CYP2C18: variants seen among roughly 807,000 people sequenced by gnomAD.
The protein encoded by CYP2C18 is cytochrome P450 2C18.
A neutral mutation model predicts 41.3 loss-of-function variants in CYP2C18; 38 were observed. The ratio of observed to expected loss-of-function variants is 0.92; its 90% confidence interval spans 0.71 to 1.21. The LOEUF is 1.21. Ranked by LOEUF, CYP2C18 falls within the 50% of genes most tolerant of loss-of-function variation. The probability of loss-of-function intolerance (pLI) is 0.00; values close to 1 mark genes in which losing one functional copy is unlikely to be tolerated. For missense variants in CYP2C18, 635 were observed against 591.4 expected, an observed-to-expected ratio of 1.07 and a Z score of -0.77; for synonymous variants, 236 against 210.0, an observed-to-expected ratio of 1.12 and a Z score of -1.07.
chr10:94,688,252 G>A lies in CYP2C18; in HGVS notation c.459G>A (p.Val153=). ...TTCAAGAGGAAGCCCGCTGCCTTGT[G>A]GAGGAGTTGAGAAAAACCAATGGTG... ...DRVQEEARCL[V]EELRKTNASP... is the part of the protein sequence containing the mutation. Residue 153 remains valine (V), a synonymous_variant, in exon 3 of 9, where the codon GTG becomes GTA. Transcript: ENST00000285979. 1 of 1,611,312 alleles carries A rather than the reference G, an allele frequency of 6.2e-7. No homozygotes were observed. The highest frequency in any genetic ancestry group is 8.5e-7 in the Non-Finnish European group (1 of 1,178,712).
chr10:94,714,855 GAGC>G (rs1364166506), intron 5 of CYP2C18, among the ~76,000 whole-genome samples: 1 of 152,078 alleles, frequency 6.6e-6, no homozygotes, highest in Non-Finnish European at 1.5e-5. Context: ...TTATTTCATT[GAGC>G]AGTGGTTTGT....
At chr10:94,697,274 C>G (rs148418478) in intron 4 of CYP2C18, among the ~76,000 whole-genome samples, 3,308 of 152,292 alleles carry the variant, frequency 0.022, 116 homozygotes, top group African/African-American at 0.074. Flanking sequence ...AGACTAACAG[C>G]TGATCTCTCA....
chr10:94,685,355 A>G (rs1846867862), intron 1 of CYP2C18, among the ~76,000 whole-genome samples: 2 of 152,036 alleles, frequency 1.3e-5, no homozygotes, highest in African/African-American at 4.8e-5. Context: ...TTTAAATAGA[A>G]TTATTTATTT....
intron 5 of CYP2C18, among the ~76,000 whole-genome samples, chr10:94,708,186 CAGGA>C (rs1274388145): frequency 7.9e-5 from 12 of 152,102 alleles, no homozygotes; most frequent in Non-Finnish European, 1.5e-4. Context: ...GGAATGTTAG[CAGGA>C]CTGCTCGAAT....
chr10:94,707,181 G>A (rs2296680), intron 5 of CYP2C18, among the ~76,000 whole-genome samples: 26,093 of 152,014 alleles, frequency 0.17, 2,475 homozygotes, highest in South Asian at 0.33. Context: ...AAGACAGAAT[G>A]CATGCCTTAG....
intron 6 of CYP2C18, 116 bp from the exon 7 acceptor site, chr10:94,724,230 C>T: frequency 9.9e-7 from 1 of 1,006,696 alleles, no homozygotes; most frequent in Non-Finnish European, 1.6e-6. Context: ...TACTTTCAGT[C>T]CTATAAGTTT....
chr10:94,728,540 CT>C, intron 7 of CYP2C18: 1 of 500,448 alleles, frequency 2.0e-6, no homozygotes, highest in Non-Finnish European at 2.6e-6. Flanking sequence ...TTTATCCTTC[CT>C]TCTGTGTTTT....
At chr10:94,721,704 A>G (rs998351922) in intron 6 of CYP2C18, among the ~76,000 whole-genome samples, 7 of 152,032 alleles carry the variant, frequency 4.6e-5, no homozygotes, top group Non-Finnish European at 8.8e-5. Flanking sequence ...AAGTGAGAAC[A>G]TGTGGTTTTT....
Position 94,735,306 on chromosome 10 carries a change from G to A in CYP2C18, c.1335G>A (p.Leu445=), listed in dbSNP as rs770181532. The change falls in exon 9 of 9, where the codon CTG becomes CTA. Residue 445 remains leucine (L), a synonymous_variant. Coordinates refer to ENST00000285979, the MANE Select transcript of CYP2C18 (RefSeq NM_000772.3). ...GAGAGGGCCTGGCCCGCATGGAGCT[G>A]TTTTTATTCCTGACCACCATTTTGC... The part of the protein sequence containing the change: ...CMGEGLARME[L]FLFLTTILQN... 1 of 1,613,662 alleles carries A rather than the reference G, an allele frequency of 6.2e-7. No individual in the cohort carries two copies. The highest frequency in any genetic ancestry group is 1.7e-5 in the Admixed American group (1 of 59,940).
chr10:94,705,910 C>T (rs951050915), intron 4 of CYP2C18, among the ~76,000 whole-genome samples: 2 of 152,138 alleles, frequency 1.3e-5, no homozygotes, highest in African/African-American at 4.8e-5. Context: ...TCTGGCAGTA[C>T]TTTGGTGACT....
chr10:94,693,005 G>A (rs1847037598), intron 3 of CYP2C18, among the ~76,000 whole-genome samples: 1 of 151,886 alleles, frequency 6.6e-6, no homozygotes, highest in Non-Finnish European at 1.5e-5. Flanking sequence ...ACACACCAGG[G>A]CCTGTTGTGG....
At chr10:94,695,768 C>T (rs111293871) in intron 4 of CYP2C18, among the ~76,000 whole-genome samples, 3,845 of 152,122 alleles carry the variant, frequency 0.025, 148 homozygotes, top group African/African-American at 0.075. Flanking sequence ...CCTGGAAAAT[C>T]GGGTCACTCC....
At chr10:94,725,708 A>G (rs1847728329) in intron 7 of CYP2C18, among the ~76,000 whole-genome samples, 1 of 152,084 alleles carries the variant, frequency 6.6e-6, no homozygotes, top group Non-Finnish European at 1.5e-5. Flanking sequence ...CTCTGCATCA[A>G]TCGATATGGC....
intron 4 of CYP2C18, among the ~76,000 whole-genome samples, chr10:94,701,375 A>G (rs1156249569): frequency 6.6e-6 from 1 of 152,182 alleles, no homozygotes; most frequent in Non-Finnish European, 1.5e-5. Flanking sequence ...AAGGACAAAA[A>G]ACCAAACACT....
chr10:94,713,757 C>T (rs1847488806), intron 5 of CYP2C18, among the ~76,000 whole-genome samples: 1 of 152,220 alleles, frequency 6.6e-6, no homozygotes, highest in Non-Finnish European at 1.5e-5. Context: ...AATTGCCACA[C>T]TGTCTTCCAC....
At chr10:94,692,179 C>G (rs1318512397) in intron 3 of CYP2C18, among the ~76,000 whole-genome samples, 2 of 152,112 alleles carry the variant, frequency 1.3e-5, no homozygotes, top group African/African-American at 2.4e-5. Flanking sequence ...CAAATGGGAT[C>G]TAATTAAACT....
chr10:94,692,533 G>A (rs1298985333), intron 3 of CYP2C18, among the ~76,000 whole-genome samples: 3 of 152,184 alleles, frequency 2.0e-5, no homozygotes, highest in Admixed American at 1.3e-4. Flanking sequence ...AGGTGCTGGA[G>A]AGGATGTGGA....
chr10:94,733,309 A>T lies in CYP2C18; in HGVS notation c.1162A>T (p.Ile388Leu). The change falls in exon 8 of 9, where the codon ATA (isoleucine) becomes TTA (leucine). Residue 388 changes from isoleucine (I) to leucine (L), a missense_variant. By Grantham distance (5) the Ile-to-Leu change is conservative. Transcript: ENST00000285979. ...NYLIPKGTTI[I>L]TSLTSVLHND... ...TTGCTATTTTCAGGGCACGACCATA[A>T]TAACATCCCTGACTTCTGTGCTGCA... The T allele has an allele frequency of 6.2e-7, 1 of 1,612,814 alleles. No homozygotes were observed. The highest frequency in any genetic ancestry group is 2.2e-5 in the East Asian group (1 of 44,832).
rs1416785320 is a variant in CYP2C18 at position 94,688,275 on chromosome 10, G to C, written c.481+1G>C. Reference sequence around the variant, plus strand: ...GTGGAGGAGTTGAGAAAAACCAATGGTGGGTGACTTTTTTTTTTCCTGAAA... The same window carrying C: ...GTGGAGGAGTTGAGAAAAACCAATGCTGGGTGACTTTTTTTTTTCCTGAAA... On this transcript the variant is annotated splice_donor_variant, in intron 3 of 8. Coordinates refer to ENST00000285979, the MANE Select transcript of CYP2C18 (RefSeq NM_000772.3). LOFTEE classifies it high-confidence loss of function. The C allele has an allele frequency of 6.3e-7, 1 of 1,589,998 alleles. No individual in the cohort carries two copies. Among genetic ancestry groups the C allele is most frequent in the Admixed American group, 1.8e-5 (1 of 54,594 alleles).
Sources: gnomAD v4.1 joint callset for allele counts (sites outside exome capture counted in the v4.1 genomes callset) on GRCh38, gnomAD v4.1.1 for gene constraint, MANE v1.5 for transcripts, NCBI Gene and HGNC (gene_info 2026-07-23, HGNC 2026-07-21) for gene names.